Variants in LPL observed in about 807,000 individuals in gnomAD.
LPL encodes lipoprotein lipase, also known as phospholipase A1.
A neutral mutation model predicts 52.2 loss-of-function variants in LPL; 43 were observed. That is an observed-to-expected ratio of 0.82 (90% CI 0.64 to 1.06). LPL has a LOEUF of 1.06. LPL is among the 50% of genes least tolerant of loss of function. LPL has a pLI of 0.00. For missense variants in LPL, 639 were observed against 585.3 expected (o/e 1.09, Z -0.95); for synonymous variants, 244 against 215.6 (o/e 1.13, Z -1.15).
In LPL at chr8:19,953,408, C is replaced by T. The variant is rs199606532; in HGVS notation, c.528C>T (p.Val176=). 6.2e-7 allele frequency: 1 copy of T among 1,612,946 alleles called. No homozygotes were observed. The highest frequency in any genetic ancestry group is 1.3e-5 in the African/African-American group (1 of 74,884). The part of the protein sequence containing the change: ...GIAGSLTNKK[V]NRITGLDPAG... ...CAGGAAGTCTGACCAATAAGAAAGT[C>T]AACAGAATTACTGGTAAGAAAGCAA... The change falls in exon 4 of 10, where the codon GTC becomes GTT. Residue 176 remains valine, a synonymous_variant. Transcript: ENST00000650287.
chr8:19,965,013 C>T lies in LPL; in HGVS notation c.*-297C>T, dbSNP rs370209546. Among the ~76,000 whole-genome samples, 131 of 152,288 alleles carry T rather than the reference C, an allele frequency of 8.6e-4. 2 individuals carry two copies. The South Asian group carries it at 0.024, about 28-fold the overall frequency. ...AAGAAATGAAATGGAACAGGCCTTTCGTTTGATACATTTTAGAATAAGAAA... is the reference window on the plus strand; with the variant it reads ...AAGAAATGAAATGGAACAGGCCTTTTGTTTGATACATTTTAGAATAAGAAA... On this transcript the variant is annotated intron_variant, in intron 9 of 9. Transcript: ENST00000650287.
rs764572032 is a variant in LPL, at chr8:19,951,869, C to T, written c.350C>T (p.Ala117Val). Residue 117 changes from alanine to valine, a missense_variant, in exon 3 of 10, where the codon GCT (alanine) becomes GTT (valine). Ala to Val is a moderately conservative substitution (Grantham distance 64, BLOSUM62 0). Transcript: ENST00000650287. ...NVIVVDWLSRAQEHYPVSAGY... is the reference protein window; with the variant it reads ...NVIVVDWLSRVQEHYPVSAGY... ...ATTGTGGTGGACTGGCTGTCACGGGCTCAGGAGCATTACCCAGTGTCCGCG... is the reference window on the plus strand; with the variant it reads ...ATTGTGGTGGACTGGCTGTCACGGGTTCAGGAGCATTACCCAGTGTCCGCG... The T allele has an allele frequency of 1.2e-6, 2 of 1,614,112 alleles. No homozygotes were observed. Among genetic ancestry groups the T allele is most frequent in the South Asian group, 1.1e-5 (1 of 91,084 alleles).
In LPL at chr8:19,965,511, G is replaced by A; in HGVS notation, c.*201G>A. 1.8e-6 allele frequency: 1 copy of A among 562,022 alleles called. No individual in the cohort carries two copies. The highest frequency in any genetic ancestry group is 3.2e-6 in the Non-Finnish European group (1 of 315,274). 34.8% of individuals were successfully genotyped at this position (562,022 alleles called of 1,614,324 possible). On this transcript the variant is annotated 3_prime_UTR_variant, in exon 10 of 10. Transcript: ENST00000650287. ...AAAAAGTGGCTAATTCAATTTATGG[G>A]GTATAGTGGCCAAATAGCACATCCT... is the stretch of plus-strand genomic sequence containing the variant.
intron 1 of LPL, among the ~76,000 whole-genome samples, chr8:19,943,183 G>A (rs900115542): frequency 6.6e-6 from 1 of 152,156 alleles, no homozygotes; most frequent in Non-Finnish European, 1.5e-5. Context: ...CAGTCAGGTA[G>A]GGGTAATACC....
chr8:19,958,596 T>A (rs2070008379), intron 6 of LPL, among the ~76,000 whole-genome samples: 2 of 152,154 alleles, frequency 1.3e-5, no homozygotes, highest in Admixed American at 1.3e-4. Context: ...TTCCATAGGT[T>A]ATTGGGGGAA....
intron 9 of LPL, among the ~76,000 whole-genome samples, chr8:19,965,099 G>A (rs987315589): frequency 2.0e-5 from 3 of 151,102 alleles, no homozygotes; most frequent in African/African-American, 4.9e-5. Flanking sequence ...TTATTGGGAC[G>A]GGGCTAAATA....
chr8:19,966,374 A>C lies in LPL; in HGVS notation c.*1064A>C, dbSNP rs912854567. ...GTTTTTACTAAGTAAAAGGGTGGAG[A>C]GGTTCCTGGGGTGGATTCCTAAGCA... On this transcript the variant is annotated 3_prime_UTR_variant, in exon 10 of 10. Coordinates refer to ENST00000650287, the MANE Select transcript of LPL (RefSeq NM_000237.3). The C allele has an allele frequency of 1.3e-5, 2 of 152,140 alleles. No individual in the cohort carries two copies. The highest frequency in any genetic ancestry group is 4.8e-5 in the African/African-American group (2 of 41,436). The allele number at this position is 152,140 out of a possible 1,614,324, so 9.4% of individuals were successfully genotyped here. A position where few individuals can be genotyped will look rare whatever the true frequency, so the allele number is the denominator to read the frequency against.
chr8:19,953,150 G>C (rs1382472357), intron 3 of LPL, among the ~76,000 whole-genome samples, 160 bp from the exon 4 acceptor site: 1 of 152,130 alleles, frequency 6.6e-6, no homozygotes, highest in East Asian at 1.9e-4. Flanking sequence ...TAACACTAGA[G>C]AATATTTTCT....
chr8:19,958,615 G>A (rs2070008535), intron 6 of LPL, among the ~76,000 whole-genome samples: 1 of 152,176 alleles, frequency 6.6e-6, no homozygotes, highest in Non-Finnish European at 1.5e-5. Flanking sequence ...AACAGGTGGT[G>A]TTTGGTTACA....
intron 7 of LPL, among the ~76,000 whole-genome samples, chr8:19,959,974 C>T (rs1397855326): frequency 5.3e-5 from 8 of 150,856 alleles, no homozygotes; most frequent in East Asian, 1.9e-4. Flanking sequence ...TTTTTAGTAG[C>T]GACAGGGTCT....
chr8:19,954,316 A>G lies in LPL; in HGVS notation c.738A>G (p.Gly246=). The G allele has an allele frequency of 6.2e-7, 1 of 1,614,204 alleles. No homozygotes were observed. The highest frequency in any genetic ancestry group is 1.1e-5 in the South Asian group (1 of 91,080). The change falls in exon 5 of 10, where the codon GGA becomes GGG. Residue 246 remains glycine, a synonymous_variant. Coordinates refer to ENST00000650287, the MANE Select transcript of LPL (RefSeq NM_000237.3). ...GGTFQPGCNI[G]EAIRVIAERG... is the part of the protein sequence containing the mutation. ...CTTTTCAGCCAGGATGTAACATTGGAGAAGCTATCCGCGTGATTGCAGAGA... is the reference window on the plus strand; with the variant it reads ...CTTTTCAGCCAGGATGTAACATTGGGGAAGCTATCCGCGTGATTGCAGAGA...
At position 19,962,162 on chromosome 8, in the gene LPL, A is replaced by G; in HGVS notation, c.1370A>G (p.Lys457Arg). ...AAAGTGTCTCATTTGCAGAAAGGAAAGGCACCTGCGGTATTTGTGAAATGC... is the reference window on the plus strand; with the variant it reads ...AAAGTGTCTCATTTGCAGAAAGGAAGGGCACCTGCGGTATTTGTGAAATGC... ...REKVSHLQKG[K>R]APAVFVKCHD... The change falls in exon 9 of 10, where the codon AAG becomes AGG. Residue 457 changes from lysine to arginine, a missense_variant. By Grantham distance (26) the Lys-to-Arg change is conservative. Transcript: ENST00000650287. 1 of 1,613,952 alleles carries G rather than the reference A, an allele frequency of 6.2e-7. No homozygotes were observed. Among genetic ancestry groups the G allele is most frequent in the Non-Finnish European group, 8.5e-7 (1 of 1,179,848 alleles).
chr8:19,951,922 G>A lies in LPL; in HGVS notation c.403G>A (p.Val135Met). 6.2e-7 allele frequency: 1 copy of A among 1,614,186 alleles called. No individual in the cohort carries two copies. The highest frequency in any genetic ancestry group is 8.5e-7 in the Non-Finnish European group (1 of 1,180,036). The stretch of plus-strand genomic sequence containing the variant: ...CTACACCAAACTGGTGGGACAGGAT[G>A]TGGCCCGGTTTATCAACTGGATGGA... ...AGYTKLVGQD[V>M]ARFINWMEEE... The change falls in exon 3 of 10, where the codon GTG becomes ATG. Residue 135 changes from valine to methionine, a missense_variant. Transcript: ENST00000650287.
At position 19,950,340 on chromosome 8, in the gene LPL, G is replaced by C. The variant is rs1032785055; in HGVS notation, c.250-1429G>C. Among the ~76,000 whole-genome samples, 5 of 152,190 alleles carry C rather than the reference G, an allele frequency of 3.3e-5. No individual in the cohort carries two copies. The highest frequency in any genetic ancestry group is 1.2e-4 in the African/African-American group (5 of 41,458). ...CTTAGAATAAGACCCTTTTTGAGTT[G>C]AGAAAGGTGAGTACTTAGATTTTTC... On this transcript the variant is annotated intron_variant, in intron 2 of 9. Coordinates refer to ENST00000650287, the MANE Select transcript of LPL (RefSeq NM_000237.3). The surrounding 1 kb of genome is among the most constrained non-coding windows in gnomAD (Gnocchi z 4.2).
chr8:19,941,332 G>A (rs1379245274), intron 1 of LPL, among the ~76,000 whole-genome samples: 3 of 152,100 alleles, frequency 2.0e-5, no homozygotes, highest in African/African-American at 7.2e-5. Context: ...ATAGAATAAC[G>A]TCATTTTCAT....
chr8:19,962,293 C>G, intron 9 of LPL, 74 bp downstream of exon 9: 2 of 1,080,132 alleles, frequency 1.9e-6, no homozygotes, highest in Non-Finnish European at 2.9e-6. Flanking sequence ...ATGCATTCCT[C>G]TTCACCCCAT....
At position 19,939,388 on chromosome 8, in the gene LPL, G is replaced by T; in HGVS notation, c.-53G>T. 3 of 1,543,002 alleles carry T rather than the reference G, an allele frequency of 1.9e-6. No individual in the cohort carries two copies. Among genetic ancestry groups the T allele is most frequent in the Non-Finnish European group, 2.6e-6 (3 of 1,137,534 alleles). ...GCCCTCTCCAGCCTCCGGCTCAGCC[G>T]GCTCATCAGTCGGTCCGCGCCTTGC... On this transcript the variant is annotated 5_prime_UTR_variant, in exon 1 of 10. Transcript: ENST00000650287. This position sits in a 1 kb window ranked among gnomAD's most constrained non-coding sequence, Gnocchi z 4.0.
At chr8:19,942,926 C>G (rs1160624725) in intron 1 of LPL, among the ~76,000 whole-genome samples, 2 of 152,190 alleles carry the variant, frequency 1.3e-5, no homozygotes, top group Non-Finnish European at 2.9e-5. Context: ...CCAATTCATT[C>G]CTTTTGCTCT....
In LPL at chr8:19,939,492, C is replaced by CT. The variant is rs1228659919; in HGVS notation, c.53dup (p.Thr19AspfsTer22). The CT allele has an allele frequency of 1.2e-6, 2 of 1,610,624 alleles. No homozygotes were observed. Among genetic ancestry groups the CT allele is most frequent in the Non-Finnish European group, 1.7e-6 (2 of 1,179,110 alleles). ...GACTCTGGCCGTGTGGCTCCAGAGT[C>CT]TGACCGCCTCCCGCGGAGGGGTGGC... On this transcript the variant is annotated frameshift_variant, in exon 1 of 10. Coordinates refer to ENST00000650287, the MANE Select transcript of LPL (RefSeq NM_000237.3). LOFTEE classifies it high-confidence loss of function. The surrounding 1 kb of genome is among the most constrained non-coding windows in gnomAD (Gnocchi z 4.0).
Sources: gnomAD v4.1 joint callset for allele counts (sites outside exome capture counted in the v4.1 genomes callset) on GRCh38, gnomAD v4.1.1 for gene constraint, Gnocchi (gnomAD v3.1) non-coding constraint, MANE v1.5 for transcripts, NCBI Gene and HGNC (gene_info 2026-07-23, HGNC 2026-07-21) for gene names.